ZFY: variants seen among roughly 807,000 people sequenced by gnomAD.
ZFY encodes the protein zinc finger Y-chromosomal protein.
For synonymous variants in ZFY, 47 were observed against 55.8 expected, an observed-to-expected ratio of 0.84 and a Z score of 0.71; for missense variants, 113 against 170.9, an observed-to-expected ratio of 0.66 and a Z score of 1.89.
At chrY:2,939,554 C>G in intron 1 of ZFY, among the ~76,000 whole-genome samples, 1 of 33,426 alleles carries the variant, frequency 3.0e-5, no homozygotes, top group Non-Finnish European at 7.4e-5. Flanking sequence ...TGGAATTTAA[C>G]TTGAGATTAA....
chrY:2,938,950 C>A (rs2051226908), intron 1 of ZFY, among the ~76,000 whole-genome samples: 1 of 19,058 alleles, frequency 5.2e-5, no homozygotes, highest in Non-Finnish European at 1.1e-4. Context: ...CAAATAGATG[C>A]CCCTTAACTT....
intron 3 of ZFY, among the ~76,000 whole-genome samples, chrY:2,964,963 C>T: frequency 3.1e-5 from 1 of 32,706 alleles, no homozygotes; most frequent in Non-Finnish European, 7.5e-5. Context: ...CAGGAGATCA[C>T]GATTGCAGTG....
intron 2 of ZFY, among the ~76,000 whole-genome samples, chrY:2,960,367 T>C (rs2051304974): frequency 3.3e-5 from 1 of 30,689 alleles, no homozygotes; most frequent in African/African-American, 1.3e-4. Flanking sequence ...CCATTTTATC[T>C]ATCTATAGAA....
intron 1 of ZFY, among the ~76,000 whole-genome samples, chrY:2,946,770 G>A (rs2051263120): frequency 4.5e-4 from 14 of 31,168 alleles, no homozygotes; most frequent in African/African-American, 1.0e-3. Context: ...GGCTGAAACG[G>A]GTGGATCACC....
At chrY:2,974,167 A>ATTTT (rs2051357991) in intron 3 of ZFY, among the ~76,000 whole-genome samples, 6 of 27,273 alleles carry the variant, frequency 2.2e-4, no homozygotes, top group Non-Finnish European at 4.3e-4. Flanking sequence ...ATTTACAACT[A>ATTTT]TTTATTTATT....
intron 2 of ZFY, among the ~76,000 whole-genome samples, chrY:2,959,952 G>A: frequency 6.7e-5 from 2 of 30,072 alleles, no homozygotes; most frequent in African/African-American, 2.6e-4. Context: ...CTTGTGATAC[G>A]TGAATAGCTT....
chrY:2,978,018 G>A lies in ZFY; in HGVS notation c.1160G>A (p.Gly387Asp). 2.5e-6 allele frequency: 1 copy of A among 397,623 alleles called. No individual in the cohort carries two copies. The highest frequency in any genetic ancestry group is 3.0e-5 in the South Asian group (1 of 33,604). Residue 387 changes from glycine (G) to aspartate (D), a missense_variant, in exon 7 of 8, where the codon GGC becomes GAC. Physicochemically the swap from Gly to Asp is moderately conservative, Grantham distance 94. Transcript: ENST00000155093. ...LLHIDESAGL[G>D]RLAKQKPKKK... Reference sequence around the variant, plus strand: ...CACATAGATGAGTCTGCTGGCCTTGGCAGACTGGCTAAACAGAAACCAAAG... The same window carrying A: ...CACATAGATGAGTCTGCTGGCCTTGACAGACTGGCTAAACAGAAACCAAAG...
chrY:2,946,475 C>T, intron 1 of ZFY, among the ~76,000 whole-genome samples: 2 of 32,880 alleles, frequency 6.1e-5, no homozygotes, highest in African/African-American at 2.4e-4. Flanking sequence ...CTTCTACTTA[C>T]GTCTTTTCAG....
chrY:2,945,784 T>A (rs967134329), intron 1 of ZFY, among the ~76,000 whole-genome samples: 3 of 33,615 alleles, frequency 8.9e-5, no homozygotes, highest in Admixed American at 8.1e-4. Context: ...CCTCTATAAA[T>A]ATTTTACTTG....
chrY:2,959,323 C>G, intron 2 of ZFY, among the ~76,000 whole-genome samples: 1 of 33,414 alleles, frequency 3.0e-5, no homozygotes, highest in Non-Finnish European at 7.4e-5. Context: ...TTTTTCAGGA[C>G]ACTTACCATG....
intron 1 of ZFY, among the ~76,000 whole-genome samples, chrY:2,952,764 A>G (rs774235569): frequency 3.0e-5 from 1 of 32,915 alleles, no homozygotes; most frequent in Non-Finnish European, 7.5e-5. Context: ...TGGGAGGCTG[A>G]AGTAAGAGGA....
At chrY:2,974,774 C>T in intron 3 of ZFY, among the ~76,000 whole-genome samples, 1 of 32,939 alleles carries the variant, frequency 3.0e-5, no homozygotes, top group Non-Finnish European at 7.5e-5. Flanking sequence ...ACCAGTGAGA[C>T]CTTGTCTGTA....
At position 2,961,414 on chromosome Y, in the gene ZFY, T is replaced by G; in HGVS notation, c.402T>G (p.His134Gln). The change falls in exon 3 of 8, where the codon CAT becomes CAG. Residue 134 changes from histidine to glutamine, a missense_variant. Coordinates refer to ENST00000155093, the MANE Select transcript of ZFY (RefSeq NM_003411.4). ...CAACCTCAATGTCTATGCCAGAACA[T>G]GTTTTAACGAGTGAATCCATGCATG... ...ITSTSMSMPE[H>Q]VLTSESMHVC... 3 of 399,444 alleles carry G rather than the reference T, an allele frequency of 7.5e-6. No individual in the cohort carries two copies. Among genetic ancestry groups the G allele is most frequent in the Non-Finnish European group, 1.1e-5 (3 of 283,788 alleles).
intron 1 of ZFY, among the ~76,000 whole-genome samples, chrY:2,935,993 G>C: frequency 2.9e-5 from 1 of 34,763 alleles, no homozygotes; most frequent in African/African-American, 1.1e-4. Flanking sequence ...GGCGGCGGCA[G>C]CGCAGCCTCC....
intron 1 of ZFY, among the ~76,000 whole-genome samples, chrY:2,952,863 G>T (rs2051283074): frequency 3.1e-5 from 1 of 32,512 alleles, no homozygotes; most frequent in African/African-American, 1.2e-4. Context: ...CCCTGTCTCT[G>T]AGGGGAGAGA....
At position 2,980,833 on chromosome Y, in the gene ZFY, C is replaced by A. The variant is rs1053694733; in HGVS notation, c.*840C>A. 6.1e-5 allele frequency: 2 copies of A among 33,004 alleles called. No individual in the cohort carries two copies. Among genetic ancestry groups the A allele is most frequent in the Non-Finnish European group, 7.5e-5 (1 of 13,371 alleles). 8.2% of individuals were successfully genotyped at this position (33,004 alleles called of 400,897 possible). On this transcript the variant is annotated 3_prime_UTR_variant, in exon 8 of 8. Transcript: ENST00000155093. ...GTTGCTTATTACATATTTACACACA[C>A]AACCACAAATTTTAAACTTATGATG...
intron 1 of ZFY, among the ~76,000 whole-genome samples, chrY:2,953,538 A>G (rs755577504): frequency 2.9e-5 from 1 of 34,076 alleles, no homozygotes; most frequent in Non-Finnish European, 7.3e-5. Flanking sequence ...TGAATTTTAT[A>G]TAAGATGATA....
chrY:2,950,507 T>TA (rs2051275138), intron 1 of ZFY, among the ~76,000 whole-genome samples: 1 of 33,748 alleles, frequency 3.0e-5, no homozygotes, highest in South Asian at 6.6e-4. Flanking sequence ...TTAATATTAT[T>TA]ACCATTAAGA....
chrY:2,955,171 A>G (rs2051289430), intron 2 of ZFY, among the ~76,000 whole-genome samples: 1 of 33,153 alleles, frequency 3.0e-5, no homozygotes, highest in African/African-American at 1.2e-4. Context: ...GGATTAGTTT[A>G]TGGACATCTT....
Sources: gnomAD v4.1 joint callset for allele counts (sites outside exome capture counted in the v4.1 genomes callset) on GRCh38, gnomAD v4.1.1 for gene constraint, MANE v1.5 for transcripts, NCBI Gene and HGNC (gene_info 2026-07-23, HGNC 2026-07-21) for gene names.